Variants in ZFHX3 observed in about 807,000 individuals in gnomAD.
ZFHX3 encodes zinc finger homeobox protein 3.
A neutral mutation model predicts 279.1 loss-of-function variants in ZFHX3; 42 were observed. That is an observed-to-expected ratio of 0.15 (90% CI 0.12 to 0.19). The LOEUF is 0.19. Among genes scored for constraint, ZFHX3 ranks in the 10% least tolerant of loss-of-function variants. The pLI is 1.00. For missense variants in ZFHX3, 4,981 were observed against 4,754.0 expected, an observed-to-expected ratio of 1.05 and a Z score of -1.40; for synonymous variants, 2,293 against 1,957.8, an observed-to-expected ratio of 1.17 and a Z score of -4.52.
At chr16:73,328,571 T>C (rs371346420) in intron 3 of ZFHX3, among the ~76,000 whole-genome samples, 4 of 152,314 alleles carry the variant, frequency 2.6e-5, no homozygotes, top group South Asian at 4.1e-4. Context: ...TAAGACCACA[T>C]AGCTAGAAGT....
intron 1 of ZFHX3, among the ~76,000 whole-genome samples, chr16:73,030,930 A>G (rs1964676930): frequency 6.6e-6 from 1 of 152,174 alleles, no homozygotes; most frequent in African/African-American, 2.4e-5. Context: ...TTCCTTCCTT[A>G]GGTTCAGCCA....
In ZFHX3 at chr16:73,269,459, T is replaced by G. The variant is rs550236913; in HGVS notation, c.-1193-12323A>C. On this transcript the variant is annotated intron_variant, in intron 4 of 17. Coordinates refer to the ZFHX3 transcript ENST00000641206. ...TAGCGACTTCTTTCACTTAGTATGA[T>G]GCCTTTGAGATCCATCTATGTTCCC... Among the ~76,000 whole-genome samples the G allele has an allele frequency of 4.2e-3, 644 of 152,374 alleles. 7 individuals carry two copies. The highest frequency in any genetic ancestry group is 0.015 in the African/African-American group (614 of 41,596).
chr16:73,572,254 T>C (rs755013163), intron 2 of ZFHX3, among the ~76,000 whole-genome samples: 4 of 151,680 alleles, frequency 2.6e-5, no homozygotes, highest in Admixed American at 6.6e-5. Flanking sequence ...ATAGTCAACA[T>C]TCTTCGGGTG....
At chr16:73,570,594 T>G (rs2051724124) in intron 2 of ZFHX3, among the ~76,000 whole-genome samples, 1 of 152,156 alleles carries the variant, frequency 6.6e-6, no homozygotes, top group African/African-American at 2.4e-5. Flanking sequence ...GAAAGAAATT[T>G]AGTTGAGTTT....
chr16:73,257,619 T>C (rs1379715511), intron 4 of ZFHX3, among the ~76,000 whole-genome samples: 3 of 152,222 alleles, frequency 2.0e-5, no homozygotes, highest in African/African-American at 4.8e-5. Context: ...GGTTGATTGA[T>C]TGACTCATTC....
At chr16:73,271,221 G>A (rs1025470876) in intron 4 of ZFHX3, among the ~76,000 whole-genome samples, 2 of 152,170 alleles carry the variant, frequency 1.3e-5, no homozygotes, top group Non-Finnish European at 2.9e-5. Context: ...AAAGAGCCCA[G>A]TCATGTGTGA....
intron 1 of ZFHX3, among the ~76,000 whole-genome samples, chr16:73,781,754 C>G (rs1245207926): frequency 2.0e-5 from 3 of 152,018 alleles, no homozygotes; most frequent in African/African-American, 4.8e-5. Flanking sequence ...TTTGGGAGGC[C>G]AAGGTGGGCG....
chr16:73,452,021 T>C (rs1177222117), intron 3 of ZFHX3, among the ~76,000 whole-genome samples: 2 of 152,284 alleles, frequency 1.3e-5, no homozygotes, highest in African/African-American at 2.4e-5. Context: ...AGTAAGTAGA[T>C]TGAGCTCAGC....
chr16:73,308,425 C>T (rs914067997), intron 4 of ZFHX3, among the ~76,000 whole-genome samples: 1 of 151,608 alleles, frequency 6.6e-6, no homozygotes, highest in African/African-American at 2.4e-5. Context: ...CTAGTAGCTG[C>T]GATTACAGGC....
chr16:73,874,105 T>A lies in ZFHX3; in HGVS notation c.-1608+17546A>T, dbSNP rs567467776. Among the ~76,000 whole-genome samples the A allele has an allele frequency of 2.0e-5, 3 of 152,318 alleles. No homozygotes were observed. In the South Asian group the frequency reaches 6.2e-4, roughly 32 times the overall value. ...TTCTTCCTCTGTCTGTGAACATTCA[T>A]ATTATAGGCACATATGTAATCTACA... On this transcript the variant is annotated intron_variant, in intron 1 of 17. Coordinates refer to the ZFHX3 transcript ENST00000641206.
intron 2 of ZFHX3, among the ~76,000 whole-genome samples, chr16:73,543,303 C>A (rs972342788): frequency 6.6e-6 from 1 of 152,164 alleles, no homozygotes; most frequent in Admixed American, 6.6e-5. Context: ...TAGTGCATAA[C>A]AAATACGATT....
chr16:73,439,936 A>AC (rs1237945747), intron 3 of ZFHX3, among the ~76,000 whole-genome samples: 3 of 121,710 alleles, frequency 2.5e-5, no homozygotes, highest in South Asian at 4.5e-4. Context: ...AAAAAAACAC[A>AC]AAAAAAAAAA....
At chr16:73,625,382 G>A (rs1033505795) in intron 2 of ZFHX3, among the ~76,000 whole-genome samples, 7 of 152,240 alleles carry the variant, frequency 4.6e-5, no homozygotes, top group Non-Finnish European at 7.3e-5. Flanking sequence ...ACTTAAGGAA[G>A]TTTAAATGTA....
intron 4 of ZFHX3, among the ~76,000 whole-genome samples, chr16:72,889,135 A>G (rs2038704297): frequency 6.6e-6 from 1 of 152,156 alleles, no homozygotes; most frequent in Non-Finnish European, 1.5e-5. Flanking sequence ...GCAAGCTCCC[A>G]CTAGCAGGTC....
rs1207805509 is a variant in ZFHX3, at chr16:72,958,591, T to A, written c.1555A>T (p.Ser519Cys). The change falls in exon 2 of 10, where the codon AGC (serine) becomes TGC (cysteine). Residue 519 changes from serine to cysteine, a missense_variant. This residue lies in a region of ZFHX3 where 1,068 missense variants were observed against 935.2 expected (regional missense o/e 1.14). Coordinates refer to ENST00000268489, the MANE Select transcript of ZFHX3 (RefSeq NM_006885.4). ...TTTGAGAGAGCAAGGTCCTTTTTGCTGCTACTACCTGCTGCGGCCCCAGGC... is the reference window on the plus strand; with the variant it reads ...TTTGAGAGAGCAAGGTCCTTTTTGCAGCTACTACCTGCTGCGGCCCCAGGC... ...EEPGAAAGSS[S>C]KKDLALSNQS... is the part of the protein sequence containing the mutation. The A allele has an allele frequency of 1.2e-6, 2 of 1,614,160 alleles. No individual in the cohort carries two copies. The highest frequency in any genetic ancestry group is 1.7e-6 in the Non-Finnish European group (2 of 1,180,020).
chr16:73,431,707 C>A (rs556635464), intron 3 of ZFHX3, among the ~76,000 whole-genome samples: 1 of 151,766 alleles, frequency 6.6e-6, no homozygotes, highest in Admixed American at 6.6e-5. Flanking sequence ...GATTTATTTC[C>A]TTGGGAGAGA....
chr16:73,297,628 C>A (rs544619270), intron 4 of ZFHX3, among the ~76,000 whole-genome samples: 1 of 151,940 alleles, frequency 6.6e-6, no homozygotes, highest in African/African-American at 2.4e-5. Context: ...ACATGTAGCC[C>A]TGATACCTCA....
rs113797801 is a variant in ZFHX3 at position 73,745,476 on chromosome 16, T to C, written c.-1607-65236A>G. Among the ~76,000 whole-genome samples the C allele has an allele frequency of 3.6e-4, 55 of 152,216 alleles. 1 individual carries two copies. The highest frequency in any genetic ancestry group is 1.2e-3 in the African/African-American group (48 of 41,538). ...CTCATGGGTCAGGAACTAAAGTATA[T>C]ATGCACAGAAATAACAGAAGATAAT... On this transcript the variant is annotated intron_variant, in intron 1 of 17. Transcript: ENST00000641206.
intron 1 of ZFHX3, among the ~76,000 whole-genome samples, chr16:73,891,002 C>G (rs2030517376): frequency 6.7e-6 from 1 of 149,332 alleles, no homozygotes; most frequent in African/African-American, 2.5e-5. Context: ...GCTGGCTTCC[C>G]CCTACCCCAC....
Sources: gnomAD v4.1 joint callset for allele counts (sites outside exome capture counted in the v4.1 genomes callset) on GRCh38, gnomAD v4.1.1 for gene constraint, gnomAD v4.1.1 regional missense constraint, MANE v1.5 for transcripts, NCBI Gene and HGNC (gene_info 2026-07-23, HGNC 2026-07-21) for gene names.